NXPH1: variants seen among roughly 807,000 people sequenced by gnomAD.
NXPH1 encodes the protein neurexophilin-1.
Under a neutral mutation model 23.7 loss-of-function variants are expected in NXPH1, and 5 were observed. The observed-to-expected ratio is 0.21, with a 90% CI of 0.11 to 0.44. The LOEUF is 0.44. NXPH1 is among the 20% of genes least tolerant of loss of function. The pLI is 0.99. For synonymous variants in NXPH1, 144 were observed against 122.2 expected (o/e 1.18, Z -1.18); for missense variants, 324 against 321.6 (o/e 1.01, Z -0.06).
rs750671511 is a variant in NXPH1 at position 8,751,032 on chromosome 7, G to A, written c.79G>A (p.Gly27Ser). 23 of 1,613,414 alleles carry A rather than the reference G, an allele frequency of 1.4e-5. No individual in the cohort carries two copies. The highest frequency in any genetic ancestry group is 1.6e-4 in the Middle Eastern group (1 of 6,078). The change falls in exon 3 of 3, where the codon GGT becomes AGT. Residue 27 changes from glycine to serine, a missense_variant. Transcript: ENST00000405863. This position sits in a 1 kb window ranked among gnomAD's most constrained non-coding sequence, Gnocchi z 4.5. ...YLVTCANLTN[G>S]GKSELLKSGS... ...GGTCACATGTGCCAATTTAACGAAC[G>A]GTGGAAAGTCAGAACTTCTGAAATC...
rs544850730 is a variant in NXPH1 at position 8,705,571 on chromosome 7, T to A, written c.55-45437T>A. Among the ~76,000 whole-genome samples the A allele has an allele frequency of 4.9e-4, 74 of 152,330 alleles. 1 individual carries two copies. The highest frequency in any genetic ancestry group is 7.8e-4 in the Admixed American group (12 of 15,292). On this transcript the variant is annotated intron_variant, in intron 2 of 2. Coordinates refer to ENST00000405863, the MANE Select transcript of NXPH1 (RefSeq NM_152745.3). ...TATTTTGAAGAAGATATATGTATCT[T>A]AAAGAATTACTGTGGATTATCTTAA...
At chr7:8,695,083 A>G (rs1821285115) in intron 2 of NXPH1, among the ~76,000 whole-genome samples, 4 of 152,262 alleles carry the variant, frequency 2.6e-5, no homozygotes, top group Non-Finnish European at 5.9e-5. Context: ...AGGAAAAAAC[A>G]TGAAATATTC....
chr7:8,636,297 G>T (rs911179865), intron 2 of NXPH1, among the ~76,000 whole-genome samples: 1 of 152,120 alleles, frequency 6.6e-6, no homozygotes, highest in African/African-American at 2.4e-5. Flanking sequence ...TCAGGGCACC[G>T]TGGGCATATT....
intron 2 of NXPH1, among the ~76,000 whole-genome samples, chr7:8,581,337 G>A (rs567090317): frequency 6.6e-6 from 1 of 152,268 alleles, no homozygotes; most frequent in East Asian, 1.9e-4. Context: ...TAGTTCCACA[G>A]GCTGTACAGG....
intron 2 of NXPH1, among the ~76,000 whole-genome samples, chr7:8,747,244 G>C (rs1418989198): frequency 6.6e-6 from 1 of 152,178 alleles, no homozygotes; most frequent in Non-Finnish European, 1.5e-5. Context: ...TGACTCCAGA[G>C]TGCACTCCCA....
chr7:8,440,761 T>TG (rs1490829467), intron 2 of NXPH1, among the ~76,000 whole-genome samples: 1 of 146,540 alleles, frequency 6.8e-6, no homozygotes, highest in Non-Finnish European at 1.5e-5. Flanking sequence ...TTATAGGGGG[T>TG]GGGGAGTTGA....
At chr7:8,586,928 C>A (rs1464118984) in intron 2 of NXPH1, among the ~76,000 whole-genome samples, 1 of 152,012 alleles carries the variant, frequency 6.6e-6, no homozygotes, top group Non-Finnish European at 1.5e-5. Flanking sequence ...CTATTGTTGA[C>A]ATTAGGTAAA....
intron 2 of NXPH1, among the ~76,000 whole-genome samples, chr7:8,682,509 A>G (rs1821071379): frequency 1.3e-5 from 2 of 152,214 alleles, no homozygotes; most frequent in Admixed American, 1.3e-4. Context: ...ACTTTACCAA[A>G]TTCCTTTGCT....
At chr7:8,624,139 C>T (rs1819939686) in intron 2 of NXPH1, among the ~76,000 whole-genome samples, 1 of 152,062 alleles carries the variant, frequency 6.6e-6, no homozygotes. Flanking sequence ...TAATTGGTAG[C>T]ACAGGGTGAG....
chr7:8,481,401 A>G (rs895403317), intron 2 of NXPH1, among the ~76,000 whole-genome samples: 1 of 152,144 alleles, frequency 6.6e-6, no homozygotes, highest in Admixed American at 6.5e-5. Context: ...CTCCATGAAA[A>G]TATTTGTTAG....
chr7:8,648,356 C>T (rs113580661), intron 2 of NXPH1, among the ~76,000 whole-genome samples: 4,654 of 152,132 alleles, frequency 0.031, 254 homozygotes, highest in African/African-American at 0.11. Context: ...CTACTCTCTA[C>T]GTTCATTAGT....
chr7:8,574,425 C>T (rs1818713048), intron 2 of NXPH1, among the ~76,000 whole-genome samples: 2 of 152,118 alleles, frequency 1.3e-5, no homozygotes, highest in East Asian at 1.9e-4. Flanking sequence ...TCTCTCATCA[C>T]ATAGATGTTT....
chr7:8,642,867 C>CTTTTCTTA (rs1361400520), intron 2 of NXPH1, among the ~76,000 whole-genome samples: 1 of 148,396 alleles, frequency 6.7e-6, no homozygotes, highest in African/African-American at 2.5e-5. Context: ...TTTCCTTTTT[C>CTTTTCTTA]TTTTCTTATT....
intron 2 of NXPH1, among the ~76,000 whole-genome samples, chr7:8,701,154 C>A (rs886234066): frequency 4.6e-5 from 7 of 152,034 alleles, no homozygotes; most frequent in Non-Finnish European, 8.8e-5. Flanking sequence ...TTTACTGTAA[C>A]CTTTATCTCT....
intron 2 of NXPH1, among the ~76,000 whole-genome samples, chr7:8,572,926 G>GA (rs1010601225): frequency 2.0e-5 from 3 of 151,646 alleles, no homozygotes; most frequent in South Asian, 2.1e-4. Context: ...TACAGGATTT[G>GA]AAAAAACCTC....
At chr7:8,466,775 G>GA (rs1342215158) in intron 2 of NXPH1, among the ~76,000 whole-genome samples, 4 of 152,094 alleles carry the variant, frequency 2.6e-5, no homozygotes, top group African/African-American at 9.7e-5. Context: ...CCCTTGTCTT[G>GA]AAAATTTACT....
chr7:8,544,320 C>A (rs1331267393), intron 2 of NXPH1, among the ~76,000 whole-genome samples: 1 of 151,480 alleles, frequency 6.6e-6, no homozygotes, highest in Non-Finnish European at 1.5e-5. Flanking sequence ...ACCTCTAATC[C>A]CTCACTCATT....
At chr7:8,599,880 T>C (rs1819317154) in intron 2 of NXPH1, among the ~76,000 whole-genome samples, 1 of 151,758 alleles carries the variant, frequency 6.6e-6, no homozygotes, top group Admixed American at 6.6e-5. Flanking sequence ...TCATCTTTAG[T>C]CATTATTTAT....
chr7:8,608,400 T>C (rs1055428403), intron 2 of NXPH1, among the ~76,000 whole-genome samples: 2 of 151,040 alleles, frequency 1.3e-5, no homozygotes. Context: ...TGGTCACAAC[T>C]CACTGCAACT....
Sources: gnomAD v4.1 joint callset for allele counts (sites outside exome capture counted in the v4.1 genomes callset) on GRCh38, gnomAD v4.1.1 for gene constraint, Gnocchi (gnomAD v3.1) non-coding constraint, MANE v1.5 for transcripts, NCBI Gene and HGNC (gene_info 2026-07-23, HGNC 2026-07-21) for gene names.